Variants in SPOCK3 observed in about 807,000 individuals in gnomAD.
SPOCK3 encodes the protein testican-3.
SPOCK3 carries 30 observed loss-of-function variants against 56.6 expected under a neutral mutation model. The observed-to-expected ratio is 0.53, with a 90% CI of 0.40 to 0.72. The LOEUF (loss-of-function observed/expected upper bound fraction) is 0.72. Among genes scored for constraint, SPOCK3 ranks in the 30% least tolerant of loss-of-function variants. The probability of loss-of-function intolerance (pLI) is 0.00; values close to 1 mark genes in which losing one functional copy is unlikely to be tolerated. For synonymous variants in SPOCK3, 196 were observed against 183.3 expected (o/e 1.07, Z -0.56); for missense variants, 527 against 530.0 (o/e 0.99, Z 0.06).
chr4:167,167,406 A>T (rs1730068875), intron 2 of SPOCK3, among the ~76,000 whole-genome samples: 1 of 152,186 alleles, frequency 6.6e-6, no homozygotes, highest in South Asian at 2.1e-4. Context: ...GACATGATTT[A>T]AAAGTTGGTA....
intron 2 of SPOCK3, among the ~76,000 whole-genome samples, chr4:167,142,745 T>C (rs946443191): frequency 6.6e-6 from 1 of 151,970 alleles, no homozygotes; most frequent in Non-Finnish European, 1.5e-5. Flanking sequence ...AGGAAATAGA[T>C]TAAGAATGGA....
intron 6 of SPOCK3, among the ~76,000 whole-genome samples, chr4:166,872,075 C>CACACAT (rs1491097359): frequency 1.8e-3 from 185 of 104,764 alleles, no homozygotes; most frequent in Non-Finnish European, 3.2e-3. Flanking sequence ...CACACACACA[C>CACACAT]ATATATATAT....
At chr4:167,038,586 C>T (rs1752971074) in intron 3 of SPOCK3, among the ~76,000 whole-genome samples, 1 of 150,616 alleles carries the variant, frequency 6.6e-6, no homozygotes, top group East Asian at 2.0e-4. Context: ...CACATGACCA[C>T]TCCCAGGGTG....
intron 2 of SPOCK3, among the ~76,000 whole-genome samples, chr4:167,166,816 T>C (rs1488063228): frequency 6.6e-6 from 1 of 152,152 alleles, no homozygotes; most frequent in Non-Finnish European, 1.5e-5. Context: ...AGCCTTTTTG[T>C]ATCATGATTC....
At chr4:166,900,775 T>A (rs1313885214) in intron 5 of SPOCK3, among the ~76,000 whole-genome samples, 2 of 152,128 alleles carry the variant, frequency 1.3e-5, no homozygotes, top group African/African-American at 4.8e-5. Context: ...TGTTCTTGTG[T>A]AAAGTTTAGG....
intron 6 of SPOCK3, among the ~76,000 whole-genome samples, chr4:166,817,811 G>T (rs1744525168): frequency 6.6e-6 from 1 of 152,056 alleles, no homozygotes; most frequent in East Asian, 1.9e-4. Context: ...GATTTCAGGA[G>T]GAGGAGTGGA....
intron 2 of SPOCK3, among the ~76,000 whole-genome samples, chr4:167,111,905 G>A (rs1006144611): frequency 6.6e-6 from 1 of 151,908 alleles, no homozygotes; most frequent in African/African-American, 2.4e-5. Flanking sequence ...CTACATGAGT[G>A]AGCCACCATG....
chr4:166,939,769 A>G (rs1440035545), intron 4 of SPOCK3, among the ~76,000 whole-genome samples: 3 of 152,218 alleles, frequency 2.0e-5, no homozygotes, highest in African/African-American at 7.2e-5. Flanking sequence ...CACTGTAAAT[A>G]ATAAATCACA....
At chr4:167,082,936 G>GA (rs1282904590) in intron 2 of SPOCK3, among the ~76,000 whole-genome samples, 2 of 151,818 alleles carry the variant, frequency 1.3e-5, no homozygotes, top group Non-Finnish European at 2.9e-5. Flanking sequence ...CGTGATACCG[G>GA]AAACTGATCT....
chr4:167,008,834 C>G (rs548074756), intron 3 of SPOCK3, among the ~76,000 whole-genome samples: 9 of 152,010 alleles, frequency 5.9e-5, no homozygotes, highest in African/African-American at 2.2e-4. Flanking sequence ...AGTGGGGACT[C>G]CAACAGCAAG....
At chr4:166,992,163 T>G (rs1270377812) in intron 4 of SPOCK3, among the ~76,000 whole-genome samples, 1 of 152,088 alleles carries the variant, frequency 6.6e-6, no homozygotes, top group Non-Finnish European at 1.5e-5. Flanking sequence ...TAAGTGTGTT[T>G]GTGTAAATGT....
At chr4:166,942,782 C>T (rs1741255747) in intron 4 of SPOCK3, among the ~76,000 whole-genome samples, 1 of 152,264 alleles carries the variant, frequency 6.6e-6, no homozygotes, top group African/African-American at 2.4e-5. Context: ...GAATTTATAA[C>T]AACTTAGCAG....
Position 166,976,628 on chromosome 4 carries a change from C to T in SPOCK3, c.350+23721G>A, listed in dbSNP as rs149997705. 2.8e-3 allele frequency among the ~76,000 whole-genome samples: 428 copies of T among 152,244 alleles called. 1 individual carries two copies. The highest frequency in any genetic ancestry group is 0.01 in the African/African-American group (416 of 41,570). ...ACCCTAATTAGTCCTGCAACATTCT[C>T]TCCCTTCATCCTACCAATACTCTCT... On this transcript the variant is annotated intron_variant, in intron 4 of 10. Coordinates refer to ENST00000357545, the MANE Select transcript of SPOCK3 (RefSeq NM_001040159.2).
chr4:166,932,409 A>G (rs6828808), intron 4 of SPOCK3, among the ~76,000 whole-genome samples: 112,111 of 151,952 alleles, frequency 0.74, 41,736 homozygotes, highest in East Asian at 0.94. Context: ...TCCCTCAAAT[A>G]CAGACCAAGT....
At chr4:166,972,065 C>T (rs1476134855) in intron 4 of SPOCK3, among the ~76,000 whole-genome samples, 2 of 152,120 alleles carry the variant, frequency 1.3e-5, no homozygotes, top group African/African-American at 2.4e-5. Context: ...ATGAAGGAAG[C>T]AGTGTTGTTC....
rs993633206 is a variant in SPOCK3 at position 166,951,012 on chromosome 4, C to T, written c.351-38269G>A. On this transcript the variant is annotated intron_variant, in intron 4 of 10. Coordinates refer to ENST00000357545, the MANE Select transcript of SPOCK3 (RefSeq NM_001040159.2). The stretch of plus-strand genomic sequence containing the variant: ...GGATCCAAAATTGACACCCTAACAT[C>T]ACAATTAAAAGAACTAGAAAAGCAA... Among the ~76,000 whole-genome samples, 32 of 130,468 alleles carry T rather than the reference C, an allele frequency of 2.5e-4. 1 individual carries two copies. The highest frequency in any genetic ancestry group is 1.7e-4 in the Non-Finnish European group (11 of 63,420). 85.6% of individuals were successfully genotyped at this position (130,468 alleles called of 152,430 possible).
In SPOCK3 at chr4:166,862,313, G is replaced by GA. The variant is rs367782581; in HGVS notation, c.589+26816dup. ...GTAACCAAGTTAGGAGTCTTGGAAAGAAAAAAAAATAAAAAATAGGAAGCC... is the reference window on the plus strand; with the variant it reads ...GTAACCAAGTTAGGAGTCTTGGAAAGAAAAAAAAAATAAAAAATAGGAAGCC... On this transcript the variant is annotated intron_variant, in intron 6 of 10. Transcript: ENST00000357545. Among the ~76,000 whole-genome samples the GA allele has an allele frequency of 3.0e-3, 448 of 147,890 alleles. 3 individuals are homozygous for GA. Among genetic ancestry groups the GA allele is most frequent in the African/African-American group, 0.01 (417 of 40,400 alleles).
chr4:167,005,996 A>G (rs1425684518), intron 3 of SPOCK3, among the ~76,000 whole-genome samples: 2 of 152,156 alleles, frequency 1.3e-5, no homozygotes, highest in African/African-American at 4.8e-5. Context: ...ATTTTTTACA[A>G]TATGAAAATT....
At chr4:167,063,318 A>G (rs1345690769) in intron 2 of SPOCK3, among the ~76,000 whole-genome samples, 1 of 151,872 alleles carries the variant, frequency 6.6e-6, no homozygotes, top group East Asian at 1.9e-4. Flanking sequence ...AAGCCTTATA[A>G]AATTCCTCAT....
Sources: allele counts gnomAD v4.1 joint callset (sites outside exome capture counted in the v4.1 genomes callset), GRCh38; gene constraint gnomAD v4.1.1; transcripts MANE v1.5; gene names NCBI Gene and HGNC (gene_info 2026-07-23, HGNC 2026-07-21).